PDZD2: variants seen among roughly 807,000 people sequenced by gnomAD.
PDZD2 encodes the protein PDZ domain-containing protein 2.
A neutral mutation model predicts 220.7 loss-of-function variants in PDZD2; 90 were observed. The observed-to-expected ratio is 0.41, with a 90% confidence interval of 0.34 to 0.49. The LOEUF is 0.49. PDZD2 is among the 20% of genes least tolerant of loss of function. The pLI is 0.28. For synonymous variants in PDZD2, 1,375 were observed against 1,450.5 expected, an observed-to-expected ratio of 0.95 and a Z score of 1.18; for missense variants, 3,174 against 3,608.5, an observed-to-expected ratio of 0.88 and a Z score of 3.08.
intron 14 of PDZD2, among the ~76,000 whole-genome samples, chr5:32,068,582 GAC>G (rs1165857777): frequency 6.6e-6 from 1 of 152,314 alleles, no homozygotes; most frequent in African/African-American, 2.4e-5. Flanking sequence ...CCAGACTACA[GAC>G]ACACTTTGAG....
At chr5:32,072,045 A>C (rs1740797917) in intron 16 of PDZD2, 116 bp from the exon 17 acceptor site, 1 of 717,222 alleles carries the variant, frequency 1.4e-6, no homozygotes, top group Admixed American at 2.5e-5. Context: ...TATCACAGCT[A>C]TTTCAAGTGA....
At chr5:31,663,750 T>A (rs960892800) in intron 1 of PDZD2, among the ~76,000 whole-genome samples, 24 of 152,214 alleles carry the variant, frequency 1.6e-4, no homozygotes, top group Non-Finnish European at 4.4e-5. Context: ...GAACAGAACC[T>A]TGAAAGGGTT....
At chr5:31,735,321 T>C (rs144665575) in intron 1 of PDZD2, among the ~76,000 whole-genome samples, 5,073 of 152,332 alleles carry the variant, frequency 0.033, 168 homozygotes, top group Admixed American at 0.1. Flanking sequence ...CACTTCGTGC[T>C]GTCACTGGGT....
intron 2 of PDZD2, among the ~76,000 whole-genome samples, chr5:31,878,523 G>C (rs1739523567): frequency 7.0e-6 from 1 of 142,822 alleles, no homozygotes. Context: ...GACACGTACA[G>C]GTCCTTTTCT....
chr5:31,975,941 G>A (rs1158029954), intron 2 of PDZD2, among the ~76,000 whole-genome samples: 1 of 151,640 alleles, frequency 6.6e-6, no homozygotes, highest in Non-Finnish European at 1.5e-5. Flanking sequence ...GTAGCTGGGA[G>A]TACAGGTGTG....
At position 32,108,028 on chromosome 5, in the gene PDZD2, G is replaced by A; in HGVS notation, c.8413G>A (p.Gly2805Arg). 1 of 1,612,524 alleles carries A rather than the reference G, an allele frequency of 6.2e-7. No individual in the cohort carries two copies. The highest frequency in any genetic ancestry group is 8.5e-7 in the Non-Finnish European group (1 of 1,178,594). The change falls in exon 25 of 25, where the codon GGG becomes AGG. Residue 2805 changes from glycine (G) to arginine (R), a missense_variant. By Grantham distance (125) the Gly-to-Arg change is moderately radical. Transcript: ENST00000438447. ...EAGDEILAIN[G>R]KPLVGLMHFD... ...TGGAGATGAAATTCTTGCTATTAAT[G>A]GGAAACCTCTGGTTGGGCTCATGCA...
intron 2 of PDZD2, among the ~76,000 whole-genome samples, chr5:31,807,842 G>T (rs1054943883): frequency 6.6e-6 from 1 of 152,168 alleles, no homozygotes; most frequent in Non-Finnish European, 1.5e-5. Flanking sequence ...CAATTGGTAC[G>T]GAAGTATGAC....
intron 2 of PDZD2, among the ~76,000 whole-genome samples, chr5:31,855,837 C>T (rs1430891162): frequency 6.6e-6 from 1 of 152,144 alleles, no homozygotes; most frequent in Non-Finnish European, 1.5e-5. Context: ...AAGAGAATGG[C>T]ATTTTCTGTC....
rs1014333190 is a variant in PDZD2 at position 31,639,191 on chromosome 5, C to G, written c.-607C>G. On this transcript the variant is annotated 5_prime_UTR_variant, in exon 1 of 25. Coordinates refer to ENST00000438447, the MANE Select transcript of PDZD2 (RefSeq NM_178140.4). This position sits in a 1 kb window ranked among gnomAD's most constrained non-coding sequence, Gnocchi z 4.1. ...AGCGGACCCCAGCGCCGGTGCGTGC[C>G]GGCCCCGGGCAGCGGGACGCGGCGG... 1.3e-5 allele frequency among the ~76,000 whole-genome samples: 2 copies of G among 151,954 alleles called. No homozygotes were observed. Among genetic ancestry groups the G allele is most frequent in the Non-Finnish European group, 2.9e-5 (2 of 67,926 alleles).
At chr5:32,096,829 A>ATTTTTTTTTTTT (rs71831480) in intron 21 of PDZD2, among the ~76,000 whole-genome samples, 2 of 96,832 alleles carry the variant, frequency 2.1e-5, no homozygotes, top group Non-Finnish European at 3.8e-5. Flanking sequence ...ATGTACTATG[A>ATTTTTTTTTTTT]TTTTTTTTTT....
rs1437823308 is a variant in PDZD2 at position 32,110,793 on chromosome 5, A to ATATT, written c.*2659_*2662dup. 2.0e-5 allele frequency: 3 copies of ATATT among 152,620 alleles called. No homozygotes were observed. Among genetic ancestry groups the ATATT allele is most frequent in the Non-Finnish European group, 4.4e-5 (3 of 68,040 alleles). 9.5% of individuals were successfully genotyped at this position (152,620 alleles called of 1,614,324 possible). A position where few individuals can be genotyped will look rare whatever the true frequency, so the allele number is the denominator to read the frequency against. Reference sequence around the variant, plus strand: ...ATTTATGTAAAGTAAAATGCCTTATATATTAAAGAGTAAGTGCAATAATAT... The same window carrying ATATT: ...ATTTATGTAAAGTAAAATGCCTTATATATTTATTAAAGAGTAAGTGCAATAATAT... On this transcript the variant is annotated 3_prime_UTR_variant, in exon 25 of 25. Transcript: ENST00000438447.
At chr5:31,750,083 G>A (rs1436852344) in intron 1 of PDZD2, among the ~76,000 whole-genome samples, 1 of 152,176 alleles carries the variant, frequency 6.6e-6, no homozygotes, top group Non-Finnish European at 1.5e-5. Context: ...AGCTTATCCT[G>A]CCCTTCTTGT....
intron 2 of PDZD2, among the ~76,000 whole-genome samples, chr5:31,873,962 A>G (rs1350399902): frequency 6.6e-6 from 1 of 151,946 alleles, no homozygotes; most frequent in East Asian, 1.9e-4. Context: ...TCCTAACCTC[A>G]GGTGACCCGC....
In PDZD2 at chr5:32,097,520, G is replaced by T. The variant is rs571474044; in HGVS notation, c.7947+140G>T. The T allele has an allele frequency of 8.8e-4, 584 of 667,180 alleles. 2 individuals are homozygous for T. The highest frequency in any genetic ancestry group is 1.4e-3 in the Non-Finnish European group (517 of 367,396). 41.3% of individuals were successfully genotyped at this position (667,180 alleles called of 1,614,324 possible). On this transcript the variant is annotated intron_variant, in intron 22 of 24. Transcript: ENST00000438447. ...GCTACCAACATAAAAAGGGAGAAGT[G>T]GGAGAAGTAGTACGTAAGGTTTTCG...
At chr5:32,106,245 T>G (rs1239127474) in intron 24 of PDZD2, 2 of 152,932 alleles carry the variant, frequency 1.3e-5, no homozygotes, top group East Asian at 3.8e-4. Context: ...ACATGCAACC[T>G]AGATCCCTCG....
chr5:31,745,969 G>A (rs1580673478), intron 1 of PDZD2, among the ~76,000 whole-genome samples: 1 of 152,246 alleles, frequency 6.6e-6, no homozygotes, highest in African/African-American at 2.4e-5. Flanking sequence ...ATAGAGCCAA[G>A]TGGAGGGCCT....
At chr5:31,737,334 A>G (rs78059476) in intron 1 of PDZD2, among the ~76,000 whole-genome samples, 17,448 of 151,090 alleles carry the variant, frequency 0.12, 1,051 homozygotes, top group Middle Eastern at 0.16. Context: ...CACCACGCCC[A>G]GCTAATTTGT....
chr5:32,091,155 TAGA>T lies in PDZD2; in HGVS notation c.7713_7715del (p.Arg2571del), dbSNP rs550007301. The T allele has an allele frequency of 9.5e-6, 15 of 1,570,902 alleles. No homozygotes were observed. The Admixed American group carries it at 2.5e-4, about 26-fold the overall frequency. On this transcript the variant is annotated inframe_deletion, in exon 20 of 25. Coordinates refer to ENST00000438447, the MANE Select transcript of PDZD2 (RefSeq NM_178140.4). ...GTGAAGCTGCCCAGGATCTGCCTTTTAGAAGAAGCTGGTCAGTTAAGTAAGTAT... is the reference window on the plus strand; with the variant it reads ...GTGAAGCTGCCCAGGATCTGCCTTTTAGAAGCTGGTCAGTTAAGTAAGTAT...
At chr5:31,833,860 G>A (rs1428737392) in intron 2 of PDZD2, among the ~76,000 whole-genome samples, 1 of 152,168 alleles carries the variant, frequency 6.6e-6, no homozygotes, top group Admixed American at 6.5e-5. Flanking sequence ...GGGGACTATG[G>A]CCATGGTGAC....
Sources: allele counts gnomAD v4.1 joint callset (sites outside exome capture counted in the v4.1 genomes callset), GRCh38; gene constraint gnomAD v4.1.1; non-coding constraint Gnocchi (gnomAD v3.1); transcripts MANE v1.5; gene names NCBI Gene and HGNC (gene_info 2026-07-23, HGNC 2026-07-21).